The following TMCO4 variants were observed in gnomAD, a reference collection of about 807,000 sequenced individuals.
TMCO4 encodes the protein transmembrane and coiled-coil domains 4.
In TMCO4, 58 loss-of-function variants were observed where a neutral mutation model predicts 64.7. That is an observed-to-expected ratio of 0.90 (90% CI 0.73 to 1.12). TMCO4 has a LOEUF of 1.12. Among genes scored for constraint, TMCO4 ranks in the 50% most tolerant of loss-of-function variants. TMCO4 has a pLI of 0.00. For missense variants in TMCO4, 780 were observed against 825.9 expected, an observed-to-expected ratio of 0.94 and a Z score of 0.68; for synonymous variants, 325 against 346.1, an observed-to-expected ratio of 0.94 and a Z score of 0.68.
In TMCO4 at chr1:19,732,824, G is replaced by A. The variant is rs1205678340; in HGVS notation, c.1264+4548C>T. 6.6e-6 allele frequency among the ~76,000 whole-genome samples: 1 copy of A among 152,168 alleles called. No individual in the cohort carries two copies. The highest frequency in any genetic ancestry group is 1.5e-5 in the Non-Finnish European group (1 of 68,022). ...TGCCAGCTGCACTTTTGTCCACCGG[G>A]TTCATCTTGGAGTCAGATTCCTATC... On this transcript the variant is annotated intron_variant, in intron 13 of 15. Transcript: ENST00000294543. This position sits in a 1 kb window ranked among gnomAD's most constrained non-coding sequence, Gnocchi z 4.8.
At chr1:19,733,230 G>A (rs1343451612) in intron 13 of TMCO4, among the ~76,000 whole-genome samples, 1 of 152,056 alleles carries the variant, frequency 6.6e-6, no homozygotes, top group African/African-American at 2.4e-5. Context: ...TGGCACCACT[G>A]CACTCCAGTC....
At chr1:19,742,088 T>G (rs955337354) in intron 10 of TMCO4, among the ~76,000 whole-genome samples, 1 of 152,122 alleles carries the variant, frequency 6.6e-6, no homozygotes, top group Non-Finnish European at 1.5e-5. Context: ...CCTAAAACCC[T>G]TCATGAGCTC....
chr1:19,721,579 A>G (rs2095383687), intron 13 of TMCO4, among the ~76,000 whole-genome samples: 1 of 152,184 alleles, frequency 6.6e-6, no homozygotes. Context: ...GCTCAAGCTC[A>G]GGAGTTCGAG....
chr1:19,756,728 G>A (rs916500626), intron 6 of TMCO4, among the ~76,000 whole-genome samples: 6 of 152,132 alleles, frequency 3.9e-5, no homozygotes, highest in African/African-American at 9.6e-5. Flanking sequence ...GTGGTGGTGC[G>A]TGCCTATAAT....
At chr1:19,691,102 TCG>T in intron 15 of TMCO4, among the ~76,000 whole-genome samples, 1 of 152,130 alleles carries the variant, frequency 6.6e-6, no homozygotes, top group South Asian at 2.1e-4. Context: ...TCTCCTGACC[TCG>T]TGATCTGCCC....
chr1:19,767,935 T>C (rs2042808861), intron 6 of TMCO4, among the ~76,000 whole-genome samples: 1 of 151,742 alleles, frequency 6.6e-6, no homozygotes, highest in African/African-American at 2.4e-5. Context: ...CTACTAAAAA[T>C]ACAAAAATTA....
At chr1:19,685,706 G>GTTTTTTT (rs1359019281) in intron 15 of TMCO4, among the ~76,000 whole-genome samples, 96 of 49,680 alleles carry the variant, frequency 1.9e-3, no homozygotes, top group South Asian at 2.7e-3. Context: ...ATCCAGGCCT[G>GTTTTTTT]TTTCTTTTTT....
chr1:19,687,280 ACTT>A (rs1363973427), intron 15 of TMCO4, among the ~76,000 whole-genome samples: 1 of 152,004 alleles, frequency 6.6e-6, no homozygotes, highest in Non-Finnish European at 1.5e-5. Flanking sequence ...AGAGATGGGG[ACTT>A]CTTATGTTCT....
At chr1:19,738,703 G>A (rs558831191) in intron 12 of TMCO4, among the ~76,000 whole-genome samples, 1 of 152,360 alleles carries the variant, frequency 6.6e-6, no homozygotes, top group East Asian at 1.9e-4. Context: ...AGGGATTGAA[G>A]GGGGTGGCCA....
At chr1:19,774,351 A>C (rs2043117074) in intron 4 of TMCO4, among the ~76,000 whole-genome samples, 1 of 152,200 alleles carries the variant, frequency 6.6e-6, no homozygotes, top group African/African-American at 2.4e-5. Context: ...CAGCTCTACC[A>C]TGAGCTGTGT....
intron 6 of TMCO4, 110 bp downstream of exon 6, chr1:19,770,432 C>A: frequency 7.8e-7 from 1 of 1,276,670 alleles, no homozygotes; most frequent in Non-Finnish European, 1.1e-6. Flanking sequence ...TTCCTGAAGT[C>A]AAAAGACCAC....
rs144999151 is a variant in TMCO4 at position 19,792,982 on chromosome 1, G to T, written c.-101+5155C>A. ...GACAGGGTTTCACCACGTTGGCCAG[G>T]CTGGTCTTGAACACCTGGCTCAAGT... On this transcript the variant is annotated intron_variant, in intron 2 of 15. Coordinates refer to ENST00000294543, the MANE Select transcript of TMCO4 (RefSeq NM_181719.7). Among the ~76,000 whole-genome samples, 20 of 152,108 alleles carry T rather than the reference G, an allele frequency of 1.3e-4. 1 individual carries two copies. In the East Asian group the frequency reaches 3.5e-3, roughly 26 times the overall value.
Position 19,739,844 on chromosome 1 carries a change from T to A in TMCO4, c.1159A>T (p.Ile387Phe). Residue 387 changes from isoleucine to phenylalanine, a missense_variant, in exon 12 of 16, where the codon ATC (isoleucine) becomes TTC (phenylalanine). By Grantham distance (21) the Ile-to-Phe change is conservative. Transcript: ENST00000294543. ...SAEVGKHLAH[I>F]LLSRQQGRRP... ...GGTACCTGCTGCCGGGAGAGCAGGATGTGGGCCAGGTGCTTGCCAACCTCT... is the reference window on the plus strand; with the variant it reads ...GGTACCTGCTGCCGGGAGAGCAGGAAGTGGGCCAGGTGCTTGCCAACCTCT... 6.2e-7 allele frequency: 1 copy of A among 1,613,686 alleles called. No homozygotes were observed. The highest frequency in any genetic ancestry group is 1.1e-5 in the South Asian group (1 of 91,022).
chr1:19,717,797 G>A (rs1331461515), intron 13 of TMCO4, among the ~76,000 whole-genome samples: 1 of 152,160 alleles, frequency 6.6e-6, no homozygotes. Context: ...TAAAGTCTAG[G>A]CCCTTGAGAT....
At chr1:19,768,342 G>A (rs1223882828) in intron 6 of TMCO4, among the ~76,000 whole-genome samples, 1 of 152,190 alleles carries the variant, frequency 6.6e-6, no homozygotes, top group Non-Finnish European at 1.5e-5. Context: ...CCGAGTCTCA[G>A]ACCACCATGC....
chr1:19,776,672 A>C (rs1486993233), intron 4 of TMCO4, among the ~76,000 whole-genome samples: 1 of 152,212 alleles, frequency 6.6e-6, no homozygotes, highest in Non-Finnish European at 1.5e-5. Context: ...TCTCTGAAAC[A>C]GTAATTCCCC....
intron 5 of TMCO4, among the ~76,000 whole-genome samples, chr1:19,770,983 G>A (rs2042954228): frequency 6.6e-6 from 1 of 152,210 alleles, no homozygotes; most frequent in African/African-American, 2.4e-5. Context: ...CTTATCAGCT[G>A]TGTGACCTTG....
At chr1:19,748,834 G>GAA (rs1553142669) in intron 7 of TMCO4, among the ~76,000 whole-genome samples, 8,084 of 141,258 alleles carry the variant, frequency 0.057, 266 homozygotes, top group Non-Finnish European at 0.067. Context: ...GAATGAATGA[G>GAA]TGAATGAATG....
At chr1:19,722,822 T>TG (rs1331029042) in intron 13 of TMCO4, among the ~76,000 whole-genome samples, 2 of 152,184 alleles carry the variant, frequency 1.3e-5, no homozygotes, top group South Asian at 4.2e-4. Context: ...GCAAGGGGGC[T>TG]GGGGGGTGCA....
Sources: allele counts gnomAD v4.1 joint callset (sites outside exome capture counted in the v4.1 genomes callset), GRCh38; gene constraint gnomAD v4.1.1; non-coding constraint Gnocchi (gnomAD v3.1); transcripts MANE v1.5; gene names NCBI Gene and HGNC (gene_info 2026-07-23, HGNC 2026-07-21).